The following SEC16B variants were observed in gnomAD, a reference collection of about 807,000 sequenced individuals.
The protein encoded by SEC16B is SEC16 homolog B, endoplasmic reticulum export factor.
A neutral mutation model predicts 141.8 loss-of-function variants in SEC16B; 115 were observed. The ratio of observed to expected loss-of-function variants is 0.81; its 90% CI spans 0.70 to 0.95. SEC16B has a LOEUF of 0.95. Ranked by LOEUF, SEC16B falls within the 40% of genes least tolerant of loss-of-function variation. SEC16B has a pLI of 0.00. For missense variants in SEC16B, 1,291 were observed against 1,312.3 expected (o/e 0.98, Z 0.25); for synonymous variants, 493 against 492.5 (o/e 1.00, Z -0.01).
chr1:177,951,854 C>T, intron 12 of SEC16B, 60 bp downstream of exon 12: 1 of 1,397,452 alleles, frequency 7.2e-7, no homozygotes, highest in Non-Finnish European at 9.9e-7. Context: ...CCTGAGCAGT[C>T]CCCGCCCCCT....
chr1:177,937,873 CCT>C (rs1448370354), intron 18 of SEC16B, among the ~76,000 whole-genome samples: 1 of 152,024 alleles, frequency 6.6e-6, no homozygotes, highest in Non-Finnish European at 1.5e-5. Context: ...CATTATACCC[CCT>C]CTCTTTTGCA....
chr1:177,980,999 G>A (rs1242546891), intron 1 of SEC16B, among the ~76,000 whole-genome samples: 1 of 152,054 alleles, frequency 6.6e-6, no homozygotes, highest in Non-Finnish European at 1.5e-5. Context: ...AAAGTTGAGA[G>A]CTGATACTGA....
At chr1:177,943,557 C>T (rs1390208276) in intron 15 of SEC16B, among the ~76,000 whole-genome samples, 1 of 152,176 alleles carries the variant, frequency 6.6e-6, no homozygotes, top group African/African-American at 2.4e-5. Context: ...CCCTCGACAC[C>T]AAGCACTGAA....
chr1:177,959,068 TG>T (rs761251586), intron 8 of SEC16B, 93 bp from the exon 9 acceptor site: 1 of 1,346,452 alleles, frequency 7.4e-7, no homozygotes, highest in Admixed American at 2.0e-5. Context: ...AAGTGCTGGC[TG>T]GGCTGTGATT....
chr1:177,959,103 G>A (rs979529120), intron 8 of SEC16B, 128 bp from the exon 9 acceptor site: 7 of 980,320 alleles, frequency 7.1e-6, no homozygotes, highest in Non-Finnish European at 1.1e-5. Flanking sequence ...GACAAGCCAG[G>A]GCTAAGGTAA....
At chr1:177,936,170 G>A (rs879247784) in intron 20 of SEC16B, 128 bp downstream of exon 20, 53 of 727,326 alleles carry the variant, frequency 7.3e-5, no homozygotes, top group South Asian at 5.9e-4. Flanking sequence ...AAGGCAAGGC[G>A]AGATGTGGAA....
intron 1 of SEC16B, among the ~76,000 whole-genome samples, chr1:177,982,942 T>C (rs531237995): frequency 6.6e-6 from 1 of 152,326 alleles, no homozygotes; most frequent in Non-Finnish European, 1.5e-5. Flanking sequence ...TTTTAAGACA[T>C]CTTTCTCAAA....
At position 177,961,595 on chromosome 1, in the gene SEC16B, T is replaced by C; in HGVS notation, c.782A>G (p.Gln261Arg). 2 of 1,611,104 alleles carry C rather than the reference T, an allele frequency of 1.2e-6. No individual in the cohort carries two copies. Among genetic ancestry groups the C allele is most frequent in the South Asian group, 1.1e-5 (1 of 90,270 alleles). Reference sequence around the variant, plus strand: ...CTGATCATTTTAGAACCCACCAGCCTGAACTGGACTCCAAGCTGCTGAAGC... The same window carrying C: ...CTGATCATTTTAGAACCCACCAGCCCGAACTGGACTCCAAGCTGCTGAAGC... ...PPASAAWSPV[Q>R]ADVSSAGPKA... Residue 261 changes from glutamine (Q) to arginine (R), a missense_variant, in exon 6 of 26, where the codon CAG (glutamine) becomes CGG (arginine). Gln to Arg is a conservative substitution (Grantham distance 43). Around this residue, in one of 3 missense-constraint regions of SEC16B, gnomAD observed 681 missense variants for 675.5 expected, o/e 1.01. Coordinates refer to ENST00000308284, the MANE Select transcript of SEC16B (RefSeq NM_033127.4).
In SEC16B at chr1:177,954,299, G is replaced by T. The variant is rs746246693; in HGVS notation, c.1443C>A (p.Thr481=). The T allele has an allele frequency of 5.7e-6, 9 of 1,567,498 alleles. No individual in the cohort carries two copies. The Admixed American group carries it at 9.4e-5, about 16-fold the overall frequency. Residue 481 remains threonine (T), a synonymous_variant, in exon 11 of 26, where the codon ACC becomes ACA. Transcript: ENST00000308284. ...CTCACCCACTCATGACCCAGCTGTA[G>T]GTCTGTGGGTCCATCTTGCTGGACA... ...LFLSSKMDPQ[T]YSWVMSGFTS...
chr1:177,967,181 C>T (rs977722695), intron 2 of SEC16B, among the ~76,000 whole-genome samples: 1 of 152,100 alleles, frequency 6.6e-6, no homozygotes. Context: ...TCATTCAATA[C>T]AGATTATTGG....
chr1:177,953,967 A>G (rs1466608163), intron 11 of SEC16B, among the ~76,000 whole-genome samples: 1 of 152,204 alleles, frequency 6.6e-6, no homozygotes, highest in East Asian at 1.9e-4. Flanking sequence ...GCTACCCCTC[A>G]TTACCAGAAC....
chr1:177,954,091 A>G (rs1394739752), intron 11 of SEC16B, among the ~76,000 whole-genome samples, 188 bp downstream of exon 11: 1 of 152,214 alleles, frequency 6.6e-6, no homozygotes, highest in Non-Finnish European at 1.5e-5. Flanking sequence ...CCAATTTAGC[A>G]GGTAGAAAGA....
At chr1:177,937,083 C>A (rs1039164783) in intron 19 of SEC16B, 131 bp downstream of exon 19, 1 of 992,366 alleles carries the variant, frequency 1.0e-6, no homozygotes, top group Non-Finnish European at 1.4e-6. Context: ...GTAACGGGCA[C>A]ACATCCACGC....
chr1:177,944,795 C>T (rs935282011), intron 14 of SEC16B, 129 bp from the exon 15 acceptor site: 27 of 669,390 alleles, frequency 4.0e-5, no homozygotes, highest in Non-Finnish European at 5.7e-5. Context: ...ATGCCTGCGG[C>T]GGCTTCAAGA....
intron 19 of SEC16B, 130 bp downstream of exon 19, chr1:177,937,084 A>C: frequency 1.0e-6 from 1 of 994,798 alleles, no homozygotes; most frequent in South Asian, 1.7e-5. Flanking sequence ...TAACGGGCAC[A>C]CATCCACGCA....
intron 18 of SEC16B, among the ~76,000 whole-genome samples, chr1:177,938,134 A>G (rs1177225219): frequency 6.6e-6 from 1 of 152,174 alleles, no homozygotes; most frequent in Non-Finnish European, 1.5e-5. Flanking sequence ...AACTCATTCC[A>G]TTCACAAATG....
intron 18 of SEC16B, 74 bp downstream of exon 18, chr1:177,939,628 A>C: frequency 7.7e-7 from 1 of 1,295,222 alleles, no homozygotes; most frequent in Admixed American, 2.1e-5. Context: ...GAGTGCTTTC[A>C]TAAATTACTT....
At chr1:177,941,792 T>A (rs2101921181) in intron 16 of SEC16B, 108 bp downstream of exon 16, 1 of 1,326,172 alleles carries the variant, frequency 7.5e-7, no homozygotes, top group East Asian at 2.4e-5. Context: ...GGCTCCAATT[T>A]TATGGCATGT....
chr1:177,973,390 G>C (rs1654040688), upstream of SEC16B: 1 of 152,182 alleles, frequency 6.6e-6, no homozygotes, highest in Non-Finnish European at 1.5e-5. Flanking sequence ...GTAATGGAAT[G>C]GTGGATGATT....
Sources: gnomAD v4.1 joint callset for allele counts (sites outside exome capture counted in the v4.1 genomes callset) on GRCh38, gnomAD v4.1.1 for gene constraint, gnomAD v4.1.1 regional missense constraint, MANE v1.5 for transcripts, NCBI Gene and HGNC (gene_info 2026-07-23, HGNC 2026-07-21) for gene names.